The following TENM4 variants were observed in gnomAD, a reference collection of about 807,000 sequenced individuals.
TENM4 encodes teneurin-4.
Under a neutral mutation model 243.3 loss-of-function variants are expected in TENM4, and 82 were observed. The ratio of observed to expected loss-of-function variants is 0.34; its 90% CI spans 0.28 to 0.40. The LOEUF (loss-of-function observed/expected upper bound fraction) is 0.40, where lower values mean the gene tolerates loss of function less well. TENM4 is among the 10% of genes least tolerant of loss of function. TENM4 has a pLI of 1.00. For synonymous variants in TENM4, 1,412 were observed against 1,456.3 expected, an observed-to-expected ratio of 0.97 and a Z score of 0.69; for missense variants, 3,138 against 3,673.3, an observed-to-expected ratio of 0.85 and a Z score of 3.77.
chr11:79,031,267 AT>A (rs1336075093), intron 6 of TENM4, among the ~76,000 whole-genome samples: 1 of 152,218 alleles, frequency 6.6e-6, no homozygotes, highest in East Asian at 1.9e-4. Flanking sequence ...CAGATAATGT[AT>A]TTGGGGCAGG....
chr11:79,333,592 C>T (rs142277841), intron 1 of TENM4, among the ~76,000 whole-genome samples: 118 of 152,238 alleles, frequency 7.8e-4, no homozygotes, highest in Non-Finnish European at 1.3e-3. Flanking sequence ...TAGTTTCTGG[C>T]GGCCTTCCCA....
chr11:79,435,792 T>C (rs1859260639), intron 1 of TENM4, among the ~76,000 whole-genome samples: 1 of 152,078 alleles, frequency 6.6e-6, no homozygotes, highest in African/African-American at 2.4e-5. Flanking sequence ...AGTCTTTTGC[T>C]TGTGTTGCCC....
At chr11:79,151,083 G>A (rs1291205221) in intron 3 of TENM4, among the ~76,000 whole-genome samples, 1 of 152,110 alleles carries the variant, frequency 6.6e-6, no homozygotes, top group Non-Finnish European at 1.5e-5. Flanking sequence ...AACTCATCCT[G>A]CCTTCCTATA....
At chr11:78,949,973 G>C (rs1328446630) in intron 6 of TENM4, among the ~76,000 whole-genome samples, 1 of 152,002 alleles carries the variant, frequency 6.6e-6, no homozygotes, top group Non-Finnish European at 1.5e-5. Flanking sequence ...CATTATTCCA[G>C]TGTTCCCCTT....
At chr11:78,953,897 C>T (rs754568682) in intron 6 of TENM4, among the ~76,000 whole-genome samples, 38 of 152,268 alleles carry the variant, frequency 2.5e-4, no homozygotes, top group Middle Eastern at 3.4e-3. Flanking sequence ...AAGCAAATTG[C>T]CCAAGACTAC....
At chr11:79,013,148 A>T (rs2136761880) in intron 6 of TENM4, among the ~76,000 whole-genome samples, 1 of 152,276 alleles carries the variant, frequency 6.6e-6, no homozygotes, top group Admixed American at 6.5e-5. Flanking sequence ...GACATTCGGG[A>T]AATGGCAACA....
At chr11:78,820,633 T>C (rs1053568256) in intron 12 of TENM4, among the ~76,000 whole-genome samples, 2 of 152,152 alleles carry the variant, frequency 1.3e-5, no homozygotes, top group African/African-American at 4.8e-5. Context: ...AAAAACAATC[T>C]GACTTGGTCA....
chr11:78,919,468 C>T (rs1176448663), intron 6 of TENM4, among the ~76,000 whole-genome samples: 1 of 152,094 alleles, frequency 6.6e-6, no homozygotes, highest in African/African-American at 2.4e-5. Context: ...CTGATTCAGG[C>T]AAATATGTGA....
chr11:79,151,140 A>G (rs1377949902), intron 3 of TENM4, among the ~76,000 whole-genome samples: 2 of 152,098 alleles, frequency 1.3e-5, no homozygotes, highest in Non-Finnish European at 2.9e-5. Flanking sequence ...CATGGATTTC[A>G]TGCTCTCATT....
intron 9 of TENM4, among the ~76,000 whole-genome samples, chr11:78,867,252 T>C (rs1400016121): frequency 2.0e-5 from 3 of 152,108 alleles, no homozygotes; most frequent in Non-Finnish European, 4.4e-5. Flanking sequence ...TCTCCAAACC[T>C]CCCACTAGCC....
chr11:79,138,478 A>G (rs1862165743), intron 4 of TENM4, among the ~76,000 whole-genome samples: 2 of 118,582 alleles, frequency 1.7e-5, no homozygotes, highest in South Asian at 4.7e-4. Flanking sequence ...TATTATATAC[A>G]AATAATATAT....
At chr11:78,693,993 C>T (rs143042378) in intron 28 of TENM4, among the ~76,000 whole-genome samples, 10 of 152,028 alleles carry the variant, frequency 6.6e-5, no homozygotes, top group South Asian at 2.1e-4. Flanking sequence ...CCAGCCTGGG[C>T]GACAGAGTGA....
At chr11:78,886,785 T>C (rs145203238) in intron 9 of TENM4, among the ~76,000 whole-genome samples, 4 of 152,308 alleles carry the variant, frequency 2.6e-5, no homozygotes, top group African/African-American at 9.6e-5. Context: ...AGTCCAAGTA[T>C]TTCGACACAG....
intron 6 of TENM4, among the ~76,000 whole-genome samples, chr11:78,973,714 T>C (rs1441769344): frequency 6.6e-6 from 1 of 151,600 alleles, no homozygotes; most frequent in Non-Finnish European, 1.5e-5. Context: ...CAAGATCAAG[T>C]ATGATAAATA....
chr11:79,336,444 G>T (rs958287678), intron 1 of TENM4, among the ~76,000 whole-genome samples: 2 of 152,092 alleles, frequency 1.3e-5, no homozygotes, highest in Non-Finnish European at 2.9e-5. Flanking sequence ...GAGGAAAAAG[G>T]GTCTGTTATA....
intron 6 of TENM4, among the ~76,000 whole-genome samples, chr11:78,993,982 A>T (rs923966778): frequency 6.6e-6 from 1 of 152,222 alleles, no homozygotes; most frequent in Non-Finnish European, 1.5e-5. Context: ...CCCTAAAAAA[A>T]TGTTGAGTTT....
chr11:79,306,913 C>G (rs1483673656), intron 1 of TENM4, among the ~76,000 whole-genome samples: 3 of 152,186 alleles, frequency 2.0e-5, no homozygotes. Context: ...AAAACCTAGA[C>G]TCATCATCAC....
At chr11:78,773,617 G>A (rs1362349683) in intron 17 of TENM4, among the ~76,000 whole-genome samples, 1 of 152,168 alleles carries the variant, frequency 6.6e-6, no homozygotes, top group Non-Finnish European at 1.5e-5. Flanking sequence ...TTAGGCCTGT[G>A]AGCCATATGG....
chr11:79,412,090 C>T (rs1326983193), intron 1 of TENM4, among the ~76,000 whole-genome samples: 1 of 152,186 alleles, frequency 6.6e-6, no homozygotes, highest in Non-Finnish European at 1.5e-5. Context: ...CCAGGCCTGG[C>T]ATGGACTGGG....
Sources: allele counts gnomAD v4.1 joint callset (sites outside exome capture counted in the v4.1 genomes callset), GRCh38; gene constraint gnomAD v4.1.1; transcripts MANE v1.5; gene names NCBI Gene and HGNC (gene_info 2026-07-23, HGNC 2026-07-21).